DLC1: variants seen among roughly 807,000 people sequenced by gnomAD.
DLC1 encodes DLC1 Rho GTPase activating protein.
In DLC1, 54 loss-of-function variants were observed where a neutral mutation model predicts 140.3. The observed-to-expected ratio is 0.38, with a 90% confidence interval of 0.31 to 0.48. The LOEUF (loss-of-function observed/expected upper bound fraction) is 0.48, where lower values mean the gene tolerates loss of function less well. Among genes scored for constraint, DLC1 ranks in the 20% least tolerant of loss-of-function variants. The pLI is 0.96. For synonymous variants in DLC1, 986 were observed against 728.1 expected, an observed-to-expected ratio of 1.35 and a Z score of -5.70; for missense variants, 2,536 against 1,907.0, an observed-to-expected ratio of 1.33 and a Z score of -6.14.
Position 13,098,343 on chromosome 8 carries a change from G to T in DLC1, c.3167+56C>A. 2.5e-6 allele frequency: 4 copies of T among 1,597,912 alleles called. No homozygotes were observed. The South Asian group carries it at 4.5e-5, about 18-fold the overall frequency. On this transcript the variant is annotated intron_variant, in intron 10 of 17. Transcript: ENST00000276297. Reference sequence around the variant, plus strand: ...TTTTTACTGTGGGGACAACCTCAAGGAACTGACCAAAAATATCATTTTCAA... The same window carrying T: ...TTTTTACTGTGGGGACAACCTCAAGTAACTGACCAAAAATATCATTTTCAA...
rs1030627019 is a variant in DLC1 at position 13,110,760 on chromosome 8, G to T, written c.1484C>A (p.Ala495Asp). 3.7e-6 allele frequency: 6 copies of T among 1,613,802 alleles called. No homozygotes were observed. Among genetic ancestry groups the T allele is most frequent in the East Asian group, 4.5e-5 (2 of 44,884 alleles). Reference protein sequence around the residue: ...KREHDFLDRDAIEALCRRLNT... With the variant: ...KREHDFLDRDDIEALCRRLNT... ...CATTTACCTGCATAGAGCCTCAATGGCATCTCTGTCCAAAAAATCATGCTC... is the reference window on the plus strand; with the variant it reads ...CATTTACCTGCATAGAGCCTCAATGTCATCTCTGTCCAAAAAATCATGCTC... Residue 495 changes from alanine (A) to aspartate (D), a missense_variant, in exon 7 of 18, where the codon GCC becomes GAC. Ala to Asp is a moderately radical substitution (Grantham distance 126, BLOSUM62 -2). Transcript: ENST00000276297.
At chr8:13,288,766 A>G (rs1017394118) in intron 5 of DLC1, among the ~76,000 whole-genome samples, 2 of 152,158 alleles carry the variant, frequency 1.3e-5, no homozygotes, top group African/African-American at 4.8e-5. Flanking sequence ...CTGGCCTGCA[A>G]CTTTCTAGGG....
intron 5 of DLC1, among the ~76,000 whole-genome samples, chr8:13,220,897 T>C (rs1299905588): frequency 6.6e-6 from 1 of 152,050 alleles, no homozygotes; most frequent in African/African-American, 2.4e-5. Context: ...CCAGGCAAGC[T>C]CAGTGACAGC....
chr8:13,099,575 T>G lies in DLC1; in HGVS notation c.2762A>C (p.Asn921Thr), dbSNP rs1818812702. The change falls in exon 9 of 18, where the codon AAT becomes ACT. Residue 921 changes from asparagine (N) to threonine (T), a missense_variant. Physicochemically the swap from Asn to Thr is moderately conservative, Grantham distance 65. Coordinates refer to ENST00000276297, the MANE Select transcript of DLC1 (RefSeq NM_182643.3). Reference sequence around the variant, plus strand: ...ATCAGAAAACTTCTCCGACCACTGATTGACTATCCGCTGCATCCCCTTCAC... The same window carrying G: ...ATCAGAAAACTTCTCCGACCACTGAGTGACTATCCGCTGCATCCCCTTCAC... Reference protein sequence around the residue: ...YHVKGMQRIVNQWSEKFSDEG... With the variant: ...YHVKGMQRIVTQWSEKFSDEG... The G allele has an allele frequency of 6.2e-7, 1 of 1,614,052 alleles. No homozygotes were observed. Among genetic ancestry groups the G allele is most frequent in the Non-Finnish European group, 8.5e-7 (1 of 1,180,026 alleles).
At chr8:13,245,563 T>G (rs1829729358) in intron 5 of DLC1, among the ~76,000 whole-genome samples, 2 of 152,330 alleles carry the variant, frequency 1.3e-5, no homozygotes, top group Non-Finnish European at 1.5e-5. Context: ...ACATTCTAAA[T>G]GAGCTACCTC....
At chr8:13,413,256 ATTT>A (rs58038503) in intron 2 of DLC1, among the ~76,000 whole-genome samples, 17 of 82,020 alleles carry the variant, frequency 2.1e-4, no homozygotes, top group South Asian at 1.5e-3. Flanking sequence ...TTTTTTTGCG[ATTT>A]TTTTTTTTTT....
chr8:13,462,843 C>G (rs985828543), intron 2 of DLC1, among the ~76,000 whole-genome samples: 2 of 152,182 alleles, frequency 1.3e-5, no homozygotes, highest in African/African-American at 4.8e-5. Context: ...AGAGCTCACT[C>G]TCTTCCAGCA....
intron 2 of DLC1, among the ~76,000 whole-genome samples, chr8:13,471,420 C>T (rs1350196790): frequency 6.7e-6 from 1 of 149,952 alleles, no homozygotes; most frequent in African/African-American, 2.5e-5. Flanking sequence ...TGTCATACAC[C>T]CTTGGTATAT....
At chr8:13,149,224 C>G (rs1307237934) in intron 5 of DLC1, among the ~76,000 whole-genome samples, 6 of 152,208 alleles carry the variant, frequency 3.9e-5, no homozygotes, top group African/African-American at 1.4e-4. Context: ...ATTTGCCCTT[C>G]CTAGTTCACA....
chr8:13,200,620 A>G (rs1307694724), intron 5 of DLC1, among the ~76,000 whole-genome samples: 1 of 151,862 alleles, frequency 6.6e-6, no homozygotes, highest in African/African-American at 2.4e-5. Context: ...GTTTTTTTTT[A>G]GAGAGGCAGA....
At chr8:13,125,435 C>T (rs1273163312) in intron 5 of DLC1, among the ~76,000 whole-genome samples, 2 of 152,212 alleles carry the variant, frequency 1.3e-5, no homozygotes, top group East Asian at 1.9e-4. Flanking sequence ...ATAGAAGGCT[C>T]TTAAGAGTTT....
intron 5 of DLC1, among the ~76,000 whole-genome samples, chr8:13,182,911 G>GT (rs1488442385): frequency 6.6e-6 from 1 of 152,178 alleles, no homozygotes; most frequent in Non-Finnish European, 1.5e-5. Flanking sequence ...AGCTTGGGCA[G>GT]TATGGCCATT....
chr8:13,275,452 T>C (rs1303090355), intron 5 of DLC1, among the ~76,000 whole-genome samples: 3 of 152,192 alleles, frequency 2.0e-5, no homozygotes, highest in Non-Finnish European at 4.4e-5. Flanking sequence ...GACCCATCCA[T>C]GTAGACGGCA....
chr8:13,405,371 T>C (rs557791170), intron 2 of DLC1, among the ~76,000 whole-genome samples: 10 of 152,306 alleles, frequency 6.6e-5, no homozygotes, highest in Non-Finnish European at 8.8e-5. Context: ...AATTAACATA[T>C]TTTTATATTG....
chr8:13,428,226 T>C (rs546736740), intron 2 of DLC1, among the ~76,000 whole-genome samples: 4 of 152,290 alleles, frequency 2.6e-5, no homozygotes, highest in East Asian at 1.9e-4. Context: ...CATCATGGCA[T>C]GGCAAGAGAC....
chr8:13,324,959 C>T lies in DLC1; in HGVS notation c.1315-19657G>A, dbSNP rs559712364. Reference sequence around the variant, plus strand: ...AAAAATCATGTATCATAAAATAATCCAAATGGTTAGTTTGTTTGTGTTTTA... The same window carrying T: ...AAAAATCATGTATCATAAAATAATCTAAATGGTTAGTTTGTTTGTGTTTTA... On this transcript the variant is annotated intron_variant, in intron 4 of 17. Transcript: ENST00000276297. Among the ~76,000 whole-genome samples the T allele has an allele frequency of 3.3e-5, 5 of 152,054 alleles. No homozygotes were observed. In the East Asian group the frequency reaches 7.7e-4, roughly 24 times the overall value.
chr8:13,490,833 T>C (rs1330193267), intron 2 of DLC1, among the ~76,000 whole-genome samples: 1 of 151,980 alleles, frequency 6.6e-6, no homozygotes, highest in Admixed American at 6.6e-5. Flanking sequence ...AATGATCCTG[T>C]TAACAGCTGA....
At chr8:13,383,132 A>G (rs1836348876) in intron 4 of DLC1, among the ~76,000 whole-genome samples, 1 of 152,234 alleles carries the variant, frequency 6.6e-6, no homozygotes, top group Non-Finnish European at 1.5e-5. Flanking sequence ...CATTAGAAAA[A>G]GGAAGAATGA....
At chr8:13,337,259 C>T (rs1453915834) in intron 4 of DLC1, among the ~76,000 whole-genome samples, 1 of 152,070 alleles carries the variant, frequency 6.6e-6, no homozygotes, top group African/African-American at 2.4e-5. Flanking sequence ...TTAGATTTGG[C>T]AGTGTGTTTT....
Sources: gnomAD v4.1 joint callset for allele counts (sites outside exome capture counted in the v4.1 genomes callset) on GRCh38, gnomAD v4.1.1 for gene constraint, MANE v1.5 for transcripts, NCBI Gene and HGNC (gene_info 2026-07-23, HGNC 2026-07-21) for gene names.